PTPRN2: variants seen among roughly 807,000 people sequenced by gnomAD.
PTPRN2 encodes the protein receptor-type tyrosine-protein phosphatase N2.
Under a neutral mutation model 118.8 loss-of-function variants are expected in PTPRN2, and 74 were observed. The ratio of observed to expected loss-of-function variants is 0.62; its 90% CI spans 0.52 to 0.76. The LOEUF (loss-of-function observed/expected upper bound fraction) is 0.76. Ranked by LOEUF, PTPRN2 falls within the 30% of genes least tolerant of loss-of-function variation. The pLI, the probability that PTPRN2 is intolerant of heterozygous loss-of-function variation, is 0.00. For missense variants in PTPRN2, 1,481 were observed against 1,394.4 expected, an observed-to-expected ratio of 1.06 and a Z score of -0.99; for synonymous variants, 641 against 608.0, an observed-to-expected ratio of 1.05 and a Z score of -0.80.
At chr7:158,448,541 C>T (rs376201905) in intron 2 of PTPRN2, among the ~76,000 whole-genome samples, 4 of 152,204 alleles carry the variant, frequency 2.6e-5, no homozygotes, top group African/African-American at 7.2e-5. Context: ...TCTTCACTGG[C>T]GCCTGATGCT....
chr7:158,366,681 C>T (rs1809554867), intron 2 of PTPRN2, among the ~76,000 whole-genome samples: 1 of 152,092 alleles, frequency 6.6e-6, no homozygotes, highest in African/African-American at 2.4e-5. Context: ...TCTTCTGCCA[C>T]ATTTGCTGGG....
intron 3 of PTPRN2, among the ~76,000 whole-genome samples, chr7:158,309,465 C>G (rs961387011): frequency 6.6e-5 from 10 of 152,186 alleles, no homozygotes; most frequent in African/African-American, 2.4e-4. Context: ...GGACCTCACC[C>G]TGTGATCGTG....
intron 2 of PTPRN2, among the ~76,000 whole-genome samples, chr7:158,376,999 C>T (rs1242383842): frequency 7.4e-6 from 1 of 134,474 alleles, no homozygotes; most frequent in Non-Finnish European, 1.6e-5. Flanking sequence ...TCTCCCACAG[C>T]CCTGTCACAT....
intron 1 of PTPRN2, chr7:158,537,736 G>C (rs552473686): frequency 6.6e-6 from 1 of 152,372 alleles, no homozygotes; most frequent in African/African-American, 2.4e-5. Flanking sequence ...CCTGGACTGT[G>C]CTGCAAACTC....
rs77528048 is a variant in PTPRN2, at chr7:157,794,463, C to A, written c.1788+104210G>T. 0.028 allele frequency among the ~76,000 whole-genome samples: 4,284 copies of A among 152,296 alleles called. 231 individuals are homozygous for A. The highest frequency in any genetic ancestry group is 0.097 in the African/African-American group (4,032 of 41,546). On this transcript the variant is annotated intron_variant, in intron 12 of 22. Transcript: ENST00000389418. The surrounding 1 kb of genome is among the most constrained non-coding windows in gnomAD (Gnocchi z 5.2). ...AAAGCCCATTGTGTCTGCCCCTATT[C>A]TTTGAAGCTTCACTGCTTTCGGATA...
intron 12 of PTPRN2, among the ~76,000 whole-genome samples, chr7:157,896,574 C>T (rs566356551): frequency 2.6e-4 from 38 of 148,766 alleles, no homozygotes; most frequent in Middle Eastern, 3.5e-3. Flanking sequence ...CTCACGTGTG[C>T]GTGGGAAGGA....
At chr7:157,776,981 C>G (rs1803366407) in intron 12 of PTPRN2, among the ~76,000 whole-genome samples, 1 of 142,760 alleles carries the variant, frequency 7.0e-6, no homozygotes, top group African/African-American at 2.6e-5. Context: ...TCTTCTCCTT[C>G]TCCTCCTCCC....
At chr7:157,873,505 G>T (rs1374641574) in intron 12 of PTPRN2, among the ~76,000 whole-genome samples, 1 of 151,310 alleles carries the variant, frequency 6.6e-6, no homozygotes, top group Non-Finnish European at 1.5e-5. Context: ...GTCTCGCCGT[G>T]GGGGCCGGGA....
At chr7:158,227,703 G>T (rs1270755406) in intron 3 of PTPRN2, among the ~76,000 whole-genome samples, 2 of 152,214 alleles carry the variant, frequency 1.3e-5, no homozygotes, top group Non-Finnish European at 2.9e-5. Context: ...GCAAGGAAAG[G>T]GCTGGTGAGC....
intron 12 of PTPRN2, among the ~76,000 whole-genome samples, chr7:157,708,115 T>A (rs1158596995): frequency 6.6e-6 from 1 of 152,254 alleles, no homozygotes; most frequent in Non-Finnish European, 1.5e-5. Context: ...AGCAGGACAG[T>A]GGCCTTCCAG....
intron 12 of PTPRN2, among the ~76,000 whole-genome samples, chr7:157,713,834 G>A (rs1012286633): frequency 3.3e-5 from 5 of 152,196 alleles, no homozygotes; most frequent in African/African-American, 1.2e-4. Context: ...AGAGCCCCAC[G>A]AAGCAGCTCT....
intron 16 of PTPRN2, among the ~76,000 whole-genome samples, chr7:157,600,965 C>G (rs1028116901): frequency 3.3e-5 from 5 of 152,066 alleles, no homozygotes; most frequent in African/African-American, 1.2e-4. Flanking sequence ...TTTTTTCTCC[C>G]TTAATAGACA....
intron 19 of PTPRN2, among the ~76,000 whole-genome samples, chr7:157,574,850 A>C (rs1799942312): frequency 6.6e-6 from 1 of 152,250 alleles, no homozygotes; most frequent in African/African-American, 2.4e-5. Context: ...GTGTTCGCTC[A>C]AACCCACTGT....
chr7:158,044,331 G>C (rs564671441), intron 11 of PTPRN2, among the ~76,000 whole-genome samples: 6 of 152,270 alleles, frequency 3.9e-5, no homozygotes, highest in African/African-American at 7.2e-5. Context: ...AGGCAGGGGT[G>C]GGGGGCGTCC....
chr7:158,109,023 G>A (rs1432165001), intron 10 of PTPRN2, among the ~76,000 whole-genome samples: 1 of 152,064 alleles, frequency 6.6e-6, no homozygotes, highest in African/African-American at 2.4e-5. Context: ...ACCACTGTGT[G>A]AAGGAGACAG....
At position 157,624,517 on chromosome 7, in the gene PTPRN2, T is replaced by G. The variant is rs150671458; in HGVS notation, c.2197-3008A>C. ...CATGCTCAGAATACCTACCTTCCTC[T>G]GCTGCTGGGCAAACCCATCTCACAC... is the stretch of plus-strand genomic sequence containing the variant. On this transcript the variant is annotated intron_variant, in intron 14 of 22. Transcript: ENST00000389418. Among the ~76,000 whole-genome samples, 267 of 152,288 alleles carry G rather than the reference T, an allele frequency of 1.8e-3. 1 individual carries two copies. The highest frequency in any genetic ancestry group is 6.2e-3 in the African/African-American group (258 of 41,554).
intron 1 of PTPRN2, among the ~76,000 whole-genome samples, chr7:158,548,983 C>T (rs1325292897): frequency 3.3e-5 from 5 of 152,218 alleles, no homozygotes; most frequent in Non-Finnish European, 7.3e-5. Context: ...GGCCAACGCC[C>T]GGCCCCCGCT....
chr7:158,486,392 G>A (rs574821940), intron 2 of PTPRN2, among the ~76,000 whole-genome samples: 64 of 152,346 alleles, frequency 4.2e-4, no homozygotes, highest in African/African-American at 1.5e-3. Context: ...TACCACCTGT[G>A]TTTGGATGTG....
chr7:158,496,165 A>G (rs1821827780), intron 1 of PTPRN2, among the ~76,000 whole-genome samples: 1 of 151,596 alleles, frequency 6.6e-6, no homozygotes, highest in African/African-American at 2.4e-5. Context: ...CTGAAAGCCC[A>G]GTCCCAGTCT....
Sources: allele counts gnomAD v4.1 joint callset (sites outside exome capture counted in the v4.1 genomes callset), GRCh38; gene constraint gnomAD v4.1.1; non-coding constraint Gnocchi (gnomAD v3.1); transcripts MANE v1.5; gene names NCBI Gene and HGNC (gene_info 2026-07-23, HGNC 2026-07-21).